Variants in EIF4EBP1 observed in about 807,000 individuals in gnomAD.
EIF4EBP1 encodes the protein eukaryotic translation initiation factor 4E binding protein 1.
Under a neutral mutation model 9.2 loss-of-function variants are expected in EIF4EBP1, and 5 were observed. That is an observed-to-expected ratio of 0.54 (90% confidence interval 0.28 to 1.14). EIF4EBP1 has a LOEUF of 1.14. EIF4EBP1 is among the 50% of genes most tolerant of loss of function. The pLI is 0.09. For missense variants in EIF4EBP1, 139 were observed against 169.6 expected, an observed-to-expected ratio of 0.82 and a Z score of 1.00; for synonymous variants, 62 against 67.0, an observed-to-expected ratio of 0.93 and a Z score of 0.36.
intron 1 of EIF4EBP1, among the ~76,000 whole-genome samples, chr8:38,044,205 C>A (rs971898559): frequency 2.6e-5 from 4 of 152,078 alleles, no homozygotes; most frequent in Non-Finnish European, 4.4e-5. Context: ...CTCACGTCCC[C>A]ACATCCAATG....
intron 1 of EIF4EBP1, among the ~76,000 whole-genome samples, chr8:38,035,648 C>G (rs1378007560): frequency 6.6e-6 from 1 of 151,888 alleles, no homozygotes; most frequent in African/African-American, 2.4e-5. Flanking sequence ...AGGAGAATCC[C>G]GGGTAGCTGG....
chr8:38,047,937 G>A (rs1434222658), intron 1 of EIF4EBP1, among the ~76,000 whole-genome samples: 1 of 152,160 alleles, frequency 6.6e-6, no homozygotes, highest in African/African-American at 2.4e-5. Context: ...TCAGGAGGCT[G>A]AGGCGGGAGG....
chr8:38,042,511 GC>G (rs1282546526), intron 1 of EIF4EBP1, among the ~76,000 whole-genome samples: 1 of 152,162 alleles, frequency 6.6e-6, no homozygotes, highest in Non-Finnish European at 1.5e-5. Context: ...AGTTCTGGAG[GC>G]TGGAAGTCCA....
chr8:38,035,769 G>A (rs1033670450), intron 1 of EIF4EBP1, among the ~76,000 whole-genome samples: 2 of 151,828 alleles, frequency 1.3e-5, no homozygotes, highest in African/African-American at 4.8e-5. Flanking sequence ...GAGTGCAATG[G>A]TGCGATCTCG....
chr8:38,057,933 G>C (rs1809620188), intron 2 of EIF4EBP1, among the ~76,000 whole-genome samples: 1 of 152,174 alleles, frequency 6.6e-6, no homozygotes, highest in Non-Finnish European at 1.5e-5. Flanking sequence ...TCTGCTGCAA[G>C]ATGATGCAGC....
intron 1 of EIF4EBP1, among the ~76,000 whole-genome samples, chr8:38,034,644 G>A (rs531142338): frequency 6.2e-4 from 94 of 152,252 alleles, no homozygotes; most frequent in Middle Eastern, 3.4e-3. Context: ...CCAAAGACCC[G>A]TACCTGGATA....
chr8:38,045,710 A>G (rs1488704858), intron 1 of EIF4EBP1, among the ~76,000 whole-genome samples: 1 of 152,152 alleles, frequency 6.6e-6, no homozygotes, highest in Non-Finnish European at 1.5e-5. Flanking sequence ...ATCTCAAAAA[A>G]TAATAATAAT....
At chr8:38,037,831 TG>T (rs1271792871) in intron 1 of EIF4EBP1, among the ~76,000 whole-genome samples, 2 of 152,106 alleles carry the variant, frequency 1.3e-5, no homozygotes, top group Non-Finnish European at 2.9e-5. Context: ...TGGAGTACAG[TG>T]GCACGATCAT....
In EIF4EBP1 at chr8:38,059,972, C is replaced by T. The variant is rs762401667; in HGVS notation, c.*37C>T. On this transcript the variant is annotated 3_prime_UTR_variant, in exon 3 of 3. Coordinates refer to ENST00000338825, the MANE Select transcript of EIF4EBP1 (RefSeq NM_004095.4). ...TCGTGTGGAGCACTACCAAGGGGCC[C>T]CTCAGGGCCTTCCTGGGAGGAGTCC... 6 of 1,605,628 alleles carry T rather than the reference C, an allele frequency of 3.7e-6. No individual in the cohort carries two copies. Among genetic ancestry groups the T allele is most frequent in the Non-Finnish European group, 5.1e-6 (6 of 1,172,284 alleles).
intron 1 of EIF4EBP1, among the ~76,000 whole-genome samples, chr8:38,054,358 G>C (rs1362761824): frequency 6.6e-6 from 1 of 152,178 alleles, no homozygotes. Flanking sequence ...GGCTGAGGCG[G>C]GAGGATTGCT....
At chr8:38,041,788 G>C (rs139656367) in intron 1 of EIF4EBP1, among the ~76,000 whole-genome samples, 1,985 of 152,182 alleles carry the variant, frequency 0.013, 41 homozygotes, top group African/African-American at 0.045. Context: ...GCCAGGAGTT[G>C]GAGACCAGCT....
intron 1 of EIF4EBP1, among the ~76,000 whole-genome samples, chr8:38,033,622 A>G (rs961619523): frequency 6.6e-6 from 1 of 151,752 alleles, no homozygotes. Context: ...AGGAAAAACC[A>G]TTGGAGTAAG....
chr8:38,034,446 A>G (rs1809272787), intron 1 of EIF4EBP1, among the ~76,000 whole-genome samples: 1 of 152,164 alleles, frequency 6.6e-6, no homozygotes, highest in African/African-American at 2.4e-5. Context: ...TGCCGAAGGG[A>G]GTGTCATGTA....
chr8:38,041,582 G>T (rs966453562), intron 1 of EIF4EBP1, among the ~76,000 whole-genome samples: 1 of 152,204 alleles, frequency 6.6e-6, no homozygotes, highest in African/African-American at 2.4e-5. Context: ...TGCAGAAGCC[G>T]ACTGGAATCA....
chr8:38,036,285 G>C (rs1217099972), intron 1 of EIF4EBP1, among the ~76,000 whole-genome samples: 1 of 151,992 alleles, frequency 6.6e-6, no homozygotes, highest in Non-Finnish European at 1.5e-5. Flanking sequence ...AGGCTAAGCA[G>C]ATCACCTGAG....
At chr8:38,030,846 A>C in intron 1 of EIF4EBP1, 128 bp downstream of exon 1, 1 of 1,308,460 alleles carries the variant, frequency 7.6e-7, no homozygotes, top group Middle Eastern at 2.7e-4. Flanking sequence ...GGGGCATCGG[A>C]GAGACAGCGA....
intron 1 of EIF4EBP1, among the ~76,000 whole-genome samples, chr8:38,043,128 C>T (rs1809405540): frequency 6.6e-6 from 1 of 152,138 alleles, no homozygotes; most frequent in South Asian, 2.1e-4. Flanking sequence ...ATAACAGGGC[C>T]ATTCCCCTTT....
chr8:38,059,011 G>A (rs971042752), intron 2 of EIF4EBP1, among the ~76,000 whole-genome samples: 1 of 152,180 alleles, frequency 6.6e-6, no homozygotes, highest in Non-Finnish European at 1.5e-5. Context: ...TTGAGCCCAG[G>A]AGGTCAAGGC....
At chr8:38,031,243 T>C (rs886165293) in intron 1 of EIF4EBP1, among the ~76,000 whole-genome samples, 1 of 152,126 alleles carries the variant, frequency 6.6e-6, no homozygotes, top group Non-Finnish European at 1.5e-5. Flanking sequence ...CAGCAGCGCC[T>C]CCCGGGCACC....
Sources: allele counts gnomAD v4.1 joint callset (sites outside exome capture counted in the v4.1 genomes callset), GRCh38; gene constraint gnomAD v4.1.1; transcripts MANE v1.5; gene names NCBI Gene and HGNC (gene_info 2026-07-23, HGNC 2026-07-21).